Variants in BMP3 observed in about 807,000 individuals in gnomAD.
BMP3 encodes the protein bone morphogenetic protein 3.
A neutral mutation model predicts 38.1 loss-of-function variants in BMP3; 23 were observed. That is an observed-to-expected ratio of 0.60 (90% CI 0.43 to 0.86). The LOEUF is 0.86. BMP3 is among the 40% of genes least tolerant of loss of function. BMP3 has a pLI of 0.00. For synonymous variants in BMP3, 258 were observed against 225.7 expected, an observed-to-expected ratio of 1.14 and a Z score of -1.28; for missense variants, 628 against 579.6, an observed-to-expected ratio of 1.08 and a Z score of -0.86.
chr4:81,053,167 A>G (rs538645470), intron 2 of BMP3, among the ~76,000 whole-genome samples, 178 bp from the exon 3 acceptor site: 165 of 152,318 alleles, frequency 1.1e-3, no homozygotes, highest in Middle Eastern at 0.01. Flanking sequence ...CACTTAATAA[A>G]TAATAACCAT....
rs768854088 is a variant in BMP3 at position 81,031,503 on chromosome 4, C to T, written c.219C>T (p.Ala73=). The T allele has an allele frequency of 6.2e-7, 1 of 1,612,950 alleles. No homozygotes were observed. The highest frequency in any genetic ancestry group is 8.5e-7 in the Non-Finnish European group (1 of 1,179,700). ...LYDRYSTVQA[A]RTPGSLEGGS... is the part of the protein sequence containing the mutation. ...ACAGGTACAGCACGGTCCAGGCGGC[C>T]CGGACACCGGGCTCCCTGGAGGGAG... The change falls in exon 1 of 3, where the codon GCC becomes GCT. Residue 73 remains alanine, a synonymous_variant. Coordinates refer to ENST00000282701, the MANE Select transcript of BMP3 (RefSeq NM_001201.5).
intron 2 of BMP3, among the ~76,000 whole-genome samples, chr4:81,052,317 C>T (rs565935152): frequency 6.6e-6 from 1 of 152,286 alleles, no homozygotes; most frequent in African/African-American, 2.4e-5. Context: ...TCGAGAAACA[C>T]AGGTGTTGCA....
Position 81,053,369 on chromosome 4 carries a change from A to G in BMP3, c.1252A>G (p.Thr418Ala), listed in dbSNP as rs781042722. Reference sequence around the variant, plus strand: ...GTCTTTGAAGCCATCAAATCATGCTACCATCCAGAGTATAGTGAGAGCTGT... The same window carrying G: ...GTCTTTGAAGCCATCAAATCATGCTGCCATCCAGAGTATAGTGAGAGCTGT... ...PKSLKPSNHA[T>A]IQSIVRAVGV... is the part of the protein sequence containing the mutation. Residue 418 changes from threonine (T) to alanine (A), a missense_variant, in exon 3 of 3, where the codon ACC (threonine) becomes GCC (alanine). Thr to Ala is a moderately conservative substitution (Grantham distance 58, BLOSUM62 0). Coordinates refer to ENST00000282701, the MANE Select transcript of BMP3 (RefSeq NM_001201.5). 3 of 1,584,536 alleles carry G rather than the reference A, an allele frequency of 1.9e-6. No individual in the cohort carries two copies. Among genetic ancestry groups the G allele is most frequent in the African/African-American group, 2.7e-5 (2 of 72,898 alleles).
chr4:81,046,332 G>A lies in BMP3; in HGVS notation c.911G>A (p.Gly304Glu). Residue 304 changes from glycine (G) to glutamate (E), a missense_variant, in exon 2 of 3, where the codon GGG becomes GAG. Gly to Glu is a moderately conservative substitution (Grantham distance 98, BLOSUM62 -2). Coordinates refer to ENST00000282701, the MANE Select transcript of BMP3 (RefSeq NM_001201.5). ...LLPLQNNELP[G>E]AEYQYKKDEV... Reference sequence around the variant, plus strand: ...CCTCTGCAGAACAACGAGCTTCCTGGGGCAGAATACCAGTATAAAAAGGAT... The same window carrying A: ...CCTCTGCAGAACAACGAGCTTCCTGAGGCAGAATACCAGTATAAAAAGGAT... The A allele has an allele frequency of 6.2e-7, 1 of 1,613,982 alleles. No individual in the cohort carries two copies. Among genetic ancestry groups the A allele is most frequent in the Non-Finnish European group, 8.5e-7 (1 of 1,180,012 alleles).
intron 2 of BMP3, 142 bp downstream of exon 2, chr4:81,046,790 C>T: frequency 2.3e-6 from 2 of 875,058 alleles, no homozygotes; most frequent in Non-Finnish European, 3.5e-6. Context: ...TTATTTACTA[C>T]ATTCTAAACC....
rs192272611 is a variant in BMP3, at chr4:81,031,588, G to A, written c.304G>A (p.Ala102Thr). 4 of 1,598,778 alleles carry A rather than the reference G, an allele frequency of 2.5e-6. No individual in the cohort carries two copies. The East Asian group carries it at 6.7e-5, about 27-fold the overall frequency. Residue 102 changes from alanine (A) to threonine (T), a missense_variant, in exon 1 of 3, where the codon GCG becomes ACG. Coordinates refer to ENST00000282701, the MANE Select transcript of BMP3 (RefSeq NM_001201.5). ...AGGCAACACGGTTCGCAGCTTTCGG[G>A]CGGCAGCAGCAGGTGAGTGCGCGAG... ...REGNTVRSFR[A>T]AAAETLERKG...
chr4:81,032,811 G>A (rs1227930308), intron 1 of BMP3, among the ~76,000 whole-genome samples: 1 of 152,212 alleles, frequency 6.6e-6, no homozygotes, highest in East Asian at 1.9e-4. Flanking sequence ...CAATAGATGT[G>A]AATTATGCTT....
At chr4:81,039,423 G>A (rs1352578380) in intron 1 of BMP3, among the ~76,000 whole-genome samples, 4 of 152,040 alleles carry the variant, frequency 2.6e-5, no homozygotes, top group East Asian at 1.9e-4. Context: ...CCTTGCAAAC[G>A]TTCTGTGTGG....
At position 81,053,345 on chromosome 4, in the gene BMP3, T is replaced by G. The variant is rs1449069078; in HGVS notation, c.1228T>G (p.Ser410Ala). The G allele has an allele frequency of 2.6e-6, 4 of 1,555,474 alleles. No homozygotes were observed. The South Asian group carries it at 3.7e-5, about 14-fold the overall frequency. ...GTTCTTCTTTCATTTCTTTCTCTAG[T>G]CTTTGAAGCCATCAAATCATGCTAC... ...SGACQFPMPK[S>A]LKPSNHATIQ... is the part of the protein sequence containing the mutation. The change falls in exon 3 of 3, where the codon TCT becomes GCT. Residue 410 changes from serine to alanine, a missense_variant and splice_region_variant. Physicochemically the swap from Ser to Ala is moderately conservative, Grantham distance 99. Transcript: ENST00000282701.
At chr4:81,052,700 C>T (rs1327308034) in intron 2 of BMP3, among the ~76,000 whole-genome samples, 2 of 152,078 alleles carry the variant, frequency 1.3e-5, no homozygotes, top group African/African-American at 4.8e-5. Context: ...CCAGTTTGTA[C>T]TTCTAAGGAG....
intron 1 of BMP3, among the ~76,000 whole-genome samples, chr4:81,031,952 T>G (rs1739784501): frequency 6.6e-6 from 1 of 152,098 alleles, no homozygotes; most frequent in African/African-American, 2.4e-5. Flanking sequence ...TACCTTATTC[T>G]GTTGATTCCT....
At chr4:81,033,086 G>A (rs113689890) in intron 1 of BMP3, among the ~76,000 whole-genome samples, 2 of 152,192 alleles carry the variant, frequency 1.3e-5, no homozygotes, top group Admixed American at 1.3e-4. Context: ...AGGAAGTTGG[G>A]TGAGCTAGGC....
rs572638217 is a variant in BMP3, at chr4:81,054,829, T to A, written c.*1293T>A. 3.3e-4 allele frequency: 50 copies of A among 152,314 alleles called. No individual in the cohort carries two copies. Among genetic ancestry groups the A allele is most frequent in the African/African-American group, 1.2e-3 (50 of 41,584 alleles). The allele number at this position is 152,314 out of a possible 1,614,324, so 9.4% of individuals were successfully genotyped here. A position where few individuals can be genotyped will look rare whatever the true frequency, so the allele number is the denominator to read the frequency against. ...CTTCTCACTATATTTATTTGTGTGA[T>A]GGAAATGCTTTCAGGCCGTAGATCA... On this transcript the variant is annotated 3_prime_UTR_variant, in exon 3 of 3. Coordinates refer to ENST00000282701, the MANE Select transcript of BMP3 (RefSeq NM_001201.5).
In BMP3 at chr4:81,056,485, C is replaced by CAATTA. The variant is rs1740573382; in HGVS notation, c.*2949_*2950insAATTA. The stretch of plus-strand genomic sequence containing the variant: ...CTGAGTAGCTGGGATTACAGGTGTC[C>CAATTA]GCCACCATGCCTGGCTAATTTTTTT... On this transcript the variant is annotated 3_prime_UTR_variant, in exon 3 of 3. Transcript: ENST00000282701. The CAATTA allele has an allele frequency of 2.0e-5, 3 of 152,386 alleles. No homozygotes were observed. The South Asian group carries it at 6.2e-4, about 32-fold the overall frequency. The allele number at this position is 152,386 out of a possible 1,614,324, so 9.4% of individuals were successfully genotyped here. A position where few individuals can be genotyped will look rare whatever the true frequency, so the allele number is the denominator to read the frequency against.
chr4:81,048,877 G>T (rs1221479442), intron 2 of BMP3, among the ~76,000 whole-genome samples: 2 of 152,292 alleles, frequency 1.3e-5, no homozygotes, highest in East Asian at 3.9e-4. Context: ...CTAAGATTCT[G>T]CATATCTAAC....
At chr4:81,046,692 A>T in intron 2 of BMP3, 44 bp downstream of exon 2, 1 of 1,545,658 alleles carries the variant, frequency 6.5e-7, no homozygotes. Context: ...TATTTCCATT[A>T]GTAGAAAGAC....
intron 1 of BMP3, among the ~76,000 whole-genome samples, chr4:81,036,223 A>G (rs920349630): frequency 6.6e-6 from 1 of 152,006 alleles, no homozygotes; most frequent in African/African-American, 2.4e-5. Context: ...AAATTCACTA[A>G]TGATCATATA....
In BMP3 at chr4:81,046,473, T is replaced by G. The variant is rs752438975; in HGVS notation, c.1052T>G (p.Phe351Cys). The G allele has an allele frequency of 6.2e-7, 1 of 1,613,694 alleles. No individual in the cohort carries two copies. The highest frequency in any genetic ancestry group is 8.5e-7 in the Non-Finnish European group (1 of 1,179,850). Residue 351 changes from phenylalanine to cysteine, a missense_variant, in exon 2 of 3, where the codon TTT becomes TGT. Transcript: ENST00000282701. ...GPHRKSQTLQ[F>C]DEQTLKKARR... Reference sequence around the variant, plus strand: ...CATCGGAAGAGCCAGACGCTCCAATTTGATGAGCAGACCCTGAAAAAGGCA... The same window carrying G: ...CATCGGAAGAGCCAGACGCTCCAATGTGATGAGCAGACCCTGAAAAAGGCA...
chr4:81,044,439 A>T (rs548461969), intron 1 of BMP3, among the ~76,000 whole-genome samples: 1 of 152,184 alleles, frequency 6.6e-6, no homozygotes, highest in Non-Finnish European at 1.5e-5. Flanking sequence ...AAAGCAAGAG[A>T]CTGCATAATT....
Sources: allele counts gnomAD v4.1 joint callset (sites outside exome capture counted in the v4.1 genomes callset), GRCh38; gene constraint gnomAD v4.1.1; transcripts MANE v1.5; gene names NCBI Gene and HGNC (gene_info 2026-07-23, HGNC 2026-07-21).